KLRG1: variants seen among roughly 807,000 people sequenced by gnomAD.
KLRG1 encodes the protein killer cell lectin like receptor G1.
Under a neutral mutation model 21.8 loss-of-function variants are expected in KLRG1, and 16 were observed. That is an observed-to-expected ratio of 0.73 (90% CI 0.50 to 1.11). KLRG1 has a LOEUF of 1.11. Among genes scored for constraint, KLRG1 ranks in the 50% most tolerant of loss-of-function variants. The pLI is 0.00. For missense variants in KLRG1, 173 were observed against 218.3 expected, an observed-to-expected ratio of 0.79 and a Z score of 1.31; for synonymous variants, 69 against 75.9, an observed-to-expected ratio of 0.91 and a Z score of 0.47.
the KLRG1 span, among the ~76,000 whole-genome samples, chr12:9,023,980 G>A: frequency 1.4e-5 from 2 of 145,812 alleles, no homozygotes; most frequent in African/African-American, 5.1e-5. Context: ...AATTCTTTTG[G>A]CACCTATGTT....
At chr12:9,051,133 C>G in the KLRG1 span, among the ~76,000 whole-genome samples, 1 of 152,192 alleles carries the variant, frequency 6.6e-6, no homozygotes, top group Non-Finnish European at 1.5e-5. Context: ...TCCTCCCCTC[C>G]GAGGTCCATA....
chr12:9,017,036 C>A, the KLRG1 span, among the ~76,000 whole-genome samples: 1 of 151,818 alleles, frequency 6.6e-6, no homozygotes, highest in African/African-American at 2.4e-5. Context: ...GAGGCCAAGG[C>A]GGGCAGATCG....
At chr12:9,102,341 A>G in the KLRG1 span, among the ~76,000 whole-genome samples, 1 of 152,048 alleles carries the variant, frequency 6.6e-6, no homozygotes, top group South Asian at 2.1e-4. Flanking sequence ...CAGCCTCCTG[A>G]GTTGCTAGGA....
chr12:9,024,182 C>A, the KLRG1 span, among the ~76,000 whole-genome samples: 2 of 151,694 alleles, frequency 1.3e-5, no homozygotes, highest in Non-Finnish European at 2.9e-5. Context: ...TGTGCACCAC[C>A]ATGCCTGGCT....
At chr12:9,149,028 T>G in the KLRG1 span, 130 of 1,598,700 alleles carry the variant, frequency 8.1e-5, no homozygotes, top group African/African-American at 1.7e-3. Context: ...GGAGGTTGTA[T>G]CATTTCCTGA....
the KLRG1 span, chr12:9,115,271 G>A: frequency 6.5e-6 from 1 of 154,070 alleles, no homozygotes; most frequent in African/African-American, 2.4e-5. Context: ...ATCTGCAAAA[G>A]GATTTCTCTT....
chr12:9,210,043 G>A, the KLRG1 span, among the ~76,000 whole-genome samples: 6 of 152,048 alleles, frequency 3.9e-5, no homozygotes, highest in African/African-American at 1.4e-4. Context: ...GTCTACTTAA[G>A]CATATTTGCA....
At chr12:9,106,600 G>A in the KLRG1 span, 6 of 1,536,104 alleles carry the variant, frequency 3.9e-6, no homozygotes, top group African/African-American at 1.4e-5. Context: ...AGCCATGGCT[G>A]TTTAGCTAAG....
chr12:9,134,491 T>C, the KLRG1 span, among the ~76,000 whole-genome samples: 1 of 152,318 alleles, frequency 6.6e-6, no homozygotes, highest in South Asian at 2.1e-4. Context: ...CGACTATAAG[T>C]ACAACATTGT....
chr12:9,194,327 A>G, the KLRG1 span: 1 of 1,262,450 alleles, frequency 7.9e-7, no homozygotes, highest in Non-Finnish European at 1.1e-6. Context: ...TGCTATAACT[A>G]AAACAACAAC....
the KLRG1 span, among the ~76,000 whole-genome samples, chr12:9,019,336 C>T: frequency 6.6e-6 from 1 of 152,052 alleles, no homozygotes; most frequent in Admixed American, 6.5e-5. Context: ...TAAATTAATA[C>T]AACCACTGTG....
At chr12:9,039,002 G>A in the KLRG1 span, among the ~76,000 whole-genome samples, 1 of 152,144 alleles carries the variant, frequency 6.6e-6, no homozygotes, top group East Asian at 1.9e-4. Flanking sequence ...GAGACTGTTA[G>A]AGTAGCTTAA....
chr12:9,192,667 T>G, the KLRG1 span: 1 of 1,614,078 alleles, frequency 6.2e-7, no homozygotes, highest in Non-Finnish European at 8.5e-7. Flanking sequence ...CGATTTGCAG[T>G]GTGCTGAGCA....
At chr12:8,976,039 G>GT (rs1946652841) in intron 1 of KLRG1, among the ~76,000 whole-genome samples, 1 of 151,228 alleles carries the variant, frequency 6.6e-6, no homozygotes, top group Non-Finnish European at 1.5e-5. Flanking sequence ...TCTTTTTCTA[G>GT]TTTTTTGAGG....
At chr12:9,070,271 C>T in the KLRG1 span, among the ~76,000 whole-genome samples, 1 of 152,224 alleles carries the variant, frequency 6.6e-6, no homozygotes, top group African/African-American at 2.4e-5. Context: ...CAGGAACCTG[C>T]TGACAATCTT....
chr12:9,150,784 A>G, the KLRG1 span: 15 of 1,341,570 alleles, frequency 1.1e-5, no homozygotes, highest in African/African-American at 2.0e-4. Flanking sequence ...AACCTAGAAA[A>G]CCTCCTTCTT....
At chr12:9,020,734 G>A in the KLRG1 span, among the ~76,000 whole-genome samples, 1 of 152,164 alleles carries the variant, frequency 6.6e-6, no homozygotes, top group African/African-American at 2.4e-5. Flanking sequence ...ATTTGGATAC[G>A]AATCTTTGAA....
chr12:9,159,573 G>C, the KLRG1 span, among the ~76,000 whole-genome samples: 1 of 152,018 alleles, frequency 6.6e-6, no homozygotes, highest in Non-Finnish European at 1.5e-5. Flanking sequence ...TATCATGACA[G>C]TTGGACTGGT....
At chr12:9,104,143 T>C in the KLRG1 span, 10 of 1,266,946 alleles carry the variant, frequency 7.9e-6, no homozygotes, top group African/African-American at 1.2e-4. Context: ...TTTCTCTCCA[T>C]AGAACTAGAC....
Sources: allele counts gnomAD v4.1 joint callset (sites outside exome capture counted in the v4.1 genomes callset), GRCh38; gene constraint gnomAD v4.1.1; transcripts MANE v1.5; gene names NCBI Gene and HGNC (gene_info 2026-07-23, HGNC 2026-07-21).